The following KLHL4 variants were observed in gnomAD, a reference collection of about 807,000 sequenced individuals.
KLHL4 encodes kelch-like protein 4.
Under a neutral mutation model 45.8 loss-of-function variants are expected in KLHL4, and 17 were observed. The observed-to-expected ratio is 0.37, with a 90% CI of 0.25 to 0.56. KLHL4 has a LOEUF of 0.56. Among genes scored for constraint, KLHL4 ranks in the 20% least tolerant of loss-of-function variants. The pLI is 0.79. For missense variants in KLHL4, 544 were observed against 544.9 expected, an observed-to-expected ratio of 1.00 and a Z score of 0.02; for synonymous variants, 224 against 189.9, an observed-to-expected ratio of 1.18 and a Z score of -1.47.
chrX:87,628,679 C>T (rs1344375177), intron 6 of KLHL4, among the ~76,000 whole-genome samples: 5 of 111,215 alleles, frequency 4.5e-5, no homozygotes, highest in African/African-American at 1.6e-4. Context: ...CCCATGTAAC[C>T]TAAAACCACC....
At chrX:87,559,809 A>G (rs1044999813) in intron 1 of KLHL4, among the ~76,000 whole-genome samples, 26 of 111,555 alleles carry the variant, frequency 2.3e-4, no homozygotes, top group Non-Finnish European at 3.8e-5. Context: ...TCTAAGATGG[A>G]ACATAATAAG....
intron 9 of KLHL4, among the ~76,000 whole-genome samples, chrX:87,655,623 CT>C (rs941607153): frequency 2.3e-4 from 25 of 109,301 alleles, no homozygotes; most frequent in African/African-American, 8.0e-4. Context: ...TGGTCGGATC[CT>C]TTTTTTTAAT....
At chrX:87,561,402 T>C (rs1436470673) in intron 1 of KLHL4, among the ~76,000 whole-genome samples, 1 of 110,960 alleles carries the variant, frequency 9.0e-6, no homozygotes, top group Admixed American at 9.6e-5. Context: ...GGACTTCACA[T>C]TGGAACGCAG....
intron 5 of KLHL4, 46 bp from the exon 6 acceptor site, chrX:87,625,564 T>C (rs1363608682): frequency 3.9e-6 from 4 of 1,021,116 alleles, no homozygotes; most frequent in African/African-American, 1.9e-5. Flanking sequence ...ACGTTCTTTC[T>C]AATGGTGAAC....
chrX:87,628,678 C>A (rs1176861960), intron 6 of KLHL4, among the ~76,000 whole-genome samples: 1 of 111,157 alleles, frequency 9.0e-6, no homozygotes, highest in Non-Finnish European at 1.9e-5. Flanking sequence ...ACCCATGTAA[C>A]CTAAAACCAC....
At chrX:87,619,581 A>G (rs1459414672) in intron 4 of KLHL4, among the ~76,000 whole-genome samples, 2 of 112,235 alleles carry the variant, frequency 1.8e-5, no homozygotes, top group Non-Finnish European at 3.8e-5. Flanking sequence ...AAAAATAAAC[A>G]TGAAAACTTC....
At chrX:87,576,658 C>T (rs1921110621) in intron 1 of KLHL4, among the ~76,000 whole-genome samples, 1 of 111,285 alleles carries the variant, frequency 9.0e-6, no homozygotes, top group African/African-American at 3.3e-5. Flanking sequence ...TAACATAAAA[C>T]TATAGTTTTT....
chrX:87,609,849 T>C (rs770848556), intron 1 of KLHL4, among the ~76,000 whole-genome samples: 1 of 111,390 alleles, frequency 9.0e-6, no homozygotes, highest in Non-Finnish European at 1.9e-5. Flanking sequence ...TGCTAGTCTC[T>C]TTAAACAACC....
At chrX:87,597,631 C>A (rs932356221) in intron 1 of KLHL4, among the ~76,000 whole-genome samples, 2 of 111,386 alleles carry the variant, frequency 1.8e-5, no homozygotes, top group Non-Finnish European at 3.8e-5. Flanking sequence ...TACTTCAAAG[C>A]GAAAGCATTC....
chrX:87,579,270 C>T (rs1465007599), intron 1 of KLHL4, among the ~76,000 whole-genome samples: 1 of 110,741 alleles, frequency 9.0e-6, no homozygotes, highest in Non-Finnish European at 1.9e-5. Flanking sequence ...CACAGCAGTA[C>T]AGAGAAAACA....
At chrX:87,537,854 T>G (rs1931468380) in intron 1 of KLHL4, among the ~76,000 whole-genome samples, 1 of 111,459 alleles carries the variant, frequency 9.0e-6, no homozygotes, top group South Asian at 3.7e-4. Context: ...TCAAGCATTT[T>G]AAGAATTGAG....
chrX:87,628,386 C>CA (rs755802529), intron 6 of KLHL4, among the ~76,000 whole-genome samples: 1,898 of 106,308 alleles, frequency 0.018, 33 homozygotes, highest in African/African-American at 0.061. Flanking sequence ...CACGTAGTAG[C>CA]AAAAAAAAGA....
intron 1 of KLHL4, among the ~76,000 whole-genome samples, chrX:87,558,894 A>T: frequency 8.9e-6 from 1 of 112,120 alleles, no homozygotes; most frequent in Non-Finnish European, 1.9e-5. Flanking sequence ...TTGTGGTAAA[A>T]ACAAACTAAG....
Position 87,625,638 on chromosome X carries a change from T to G in KLHL4, c.1166T>G (p.Met389Arg). The G allele has an allele frequency of 4.1e-6, 5 of 1,206,481 alleles. No individual in the cohort carries two copies. Among genetic ancestry groups the G allele is most frequent in the Non-Finnish European group, 5.6e-6 (5 of 892,509 alleles). ...QLLADLETSS[M>R]FTGDLECQKL... ...CTGGCAGATCTTGAAACCAGTTCCATGTTTACTGGTGATCTTGAGTGTCAG... is the reference window on the plus strand; with the variant it reads ...CTGGCAGATCTTGAAACCAGTTCCAGGTTTACTGGTGATCTTGAGTGTCAG... Residue 389 changes from methionine to arginine, a missense_variant, in exon 6 of 11, where the codon ATG (methionine) becomes AGG (arginine). Coordinates refer to ENST00000373119, the MANE Select transcript of KLHL4 (RefSeq NM_019117.5).
Position 87,525,695 on chromosome X carries a change from TC to T in KLHL4, c.422+7381del, listed in dbSNP as rs796884380. Among the ~76,000 whole-genome samples the T allele has an allele frequency of 9.7e-4, 108 of 111,915 alleles. 1 individual carries two copies. The South Asian group carries it at 9.7e-3, about 10-fold the overall frequency. On this transcript the variant is annotated intron_variant, in intron 1 of 10. Coordinates refer to ENST00000373119, the MANE Select transcript of KLHL4 (RefSeq NM_019117.5). ...CATTAACCATTACATAAAGGTTTAC[TC>T]TGGAAACACTATAACGTATGTATTT...
At chrX:87,595,021 T>C (rs73511925) in intron 1 of KLHL4, among the ~76,000 whole-genome samples, 50 of 69,904 alleles carry the variant, frequency 7.2e-4, no homozygotes, top group South Asian at 1.9e-3. Flanking sequence ...CCTTCTCTCT[T>C]TTTTTTTTTT....
chrX:87,553,677 G>A (rs1259377394), intron 1 of KLHL4, among the ~76,000 whole-genome samples: 4 of 111,183 alleles, frequency 3.6e-5, no homozygotes, highest in Non-Finnish European at 7.6e-5. Flanking sequence ...TTTTCCTGAA[G>A]ATATAATGTT....
intron 1 of KLHL4, among the ~76,000 whole-genome samples, chrX:87,564,802 A>G (rs1423495039): frequency 8.9e-6 from 1 of 111,963 alleles, no homozygotes; most frequent in East Asian, 2.8e-4. Flanking sequence ...GAACAGCACT[A>G]TAATCTGACA....
In KLHL4 at chrX:87,582,759, G is replaced by A. The variant is rs780797524; in HGVS notation, c.423-31118G>A. 8.4e-4 allele frequency among the ~76,000 whole-genome samples: 94 copies of A among 111,647 alleles called. No individual in the cohort carries two copies. The Middle Eastern group carries it at 0.019, about 22-fold the overall frequency. On this transcript the variant is annotated intron_variant, in intron 1 of 10. Transcript: ENST00000373119. ...TCTCACTGACTTCAAGAATGGAGCC[G>A]CAGGCCTTCGTGGTGAGTGTTACAG...
Sources: gnomAD v4.1 joint callset for allele counts (sites outside exome capture counted in the v4.1 genomes callset) on GRCh38, gnomAD v4.1.1 for gene constraint, MANE v1.5 for transcripts, NCBI Gene and HGNC (gene_info 2026-07-23, HGNC 2026-07-21) for gene names.